The following XRCC4 variants were observed in gnomAD, a reference collection of about 807,000 sequenced individuals.
XRCC4 encodes the protein X-ray repair cross complementing 4.
XRCC4 carries 28 observed loss-of-function variants against 39.1 expected under a neutral mutation model. The ratio of observed to expected loss-of-function variants is 0.72; its 90% CI spans 0.53 to 0.98. The LOEUF (loss-of-function observed/expected upper bound fraction) is 0.98. Ranked by LOEUF, XRCC4 falls within the 50% of genes least tolerant of loss-of-function variation. The pLI is 0.00. For synonymous variants in XRCC4, 123 were observed against 126.4 expected, an observed-to-expected ratio of 0.97 and a Z score of 0.18; for missense variants, 350 against 376.4, an observed-to-expected ratio of 0.93 and a Z score of 0.58.
Position 83,218,062 on chromosome 5 carries a change from T to TTATATATATA in XRCC4, c.745+13149_745+13158dup, listed in dbSNP as rs560667796. Among the ~76,000 whole-genome samples, 786 of 147,600 alleles carry TTATATATATA rather than the reference T, an allele frequency of 5.3e-3. 7 individuals are homozygous for TTATATATATA. The highest frequency in any genetic ancestry group is 0.03 in the South Asian group (137 of 4,628). On this transcript the variant is annotated intron_variant, in intron 6 of 7. Coordinates refer to ENST00000396027, the MANE Select transcript of XRCC4 (RefSeq NM_003401.5). Reference sequence around the variant, plus strand: ...TTGAACTTCTCAGTCTTTACCTTTTTTATATATATATATATATTTATTAGA... The same window carrying TTATATATATA: ...TTGAACTTCTCAGTCTTTACCTTTTTTATATATATATATATATATATATATATTTATTAGA...
chr5:83,102,674 G>A (rs917637267), intron 1 of XRCC4, among the ~76,000 whole-genome samples: 3 of 152,074 alleles, frequency 2.0e-5, no homozygotes, highest in South Asian at 2.1e-4. Flanking sequence ...AAAAGTCTTA[G>A]TTTTGTTTTA....
chr5:83,289,417 A>G (rs1452456924), intron 7 of XRCC4, among the ~76,000 whole-genome samples: 1 of 151,874 alleles, frequency 6.6e-6, no homozygotes, highest in Non-Finnish European at 1.5e-5. Flanking sequence ...TTGGGTAAGA[A>G]TTGTGCTATA....
chr5:83,302,440 G>A (rs112377178), intron 7 of XRCC4, among the ~76,000 whole-genome samples: 8,313 of 152,194 alleles, frequency 0.055, 888 homozygotes, highest in East Asian at 0.48. Context: ...CTTGGCTAGC[G>A]GAGGGAGTTC....
intron 3 of XRCC4, among the ~76,000 whole-genome samples, chr5:83,150,275 T>C (rs1478537101): frequency 6.6e-6 from 1 of 152,170 alleles, no homozygotes; most frequent in African/African-American, 2.4e-5. Context: ...TACTCTGATA[T>C]CATTTTATTG....
At chr5:83,159,163 A>G (rs1749091460) in intron 3 of XRCC4, among the ~76,000 whole-genome samples, 1 of 152,224 alleles carries the variant, frequency 6.6e-6, no homozygotes, top group South Asian at 2.1e-4. Flanking sequence ...AACTTCACAA[A>G]AATATTAAAA....
At chr5:83,093,924 A>C (rs1745549156) in intron 1 of XRCC4, among the ~76,000 whole-genome samples, 1 of 152,022 alleles carries the variant, frequency 6.6e-6, no homozygotes. Flanking sequence ...AGCAGTTTGA[A>C]TATATCAGCC....
chr5:83,262,299 A>G (rs1008305369), intron 7 of XRCC4, among the ~76,000 whole-genome samples: 4 of 152,162 alleles, frequency 2.6e-5, no homozygotes, highest in African/African-American at 9.7e-5. Context: ...CTTTTGAGAG[A>G]CAAAGATATA....
At chr5:83,079,474 T>G (rs1363780341) in intron 1 of XRCC4, among the ~76,000 whole-genome samples, 2 of 152,178 alleles carry the variant, frequency 1.3e-5, no homozygotes, top group Non-Finnish European at 2.9e-5. Flanking sequence ...CCATCTTGGA[T>G]CCTTTCCTTA....
At chr5:83,141,523 C>T (rs1332458167) in intron 3 of XRCC4, among the ~76,000 whole-genome samples, 1 of 152,100 alleles carries the variant, frequency 6.6e-6, no homozygotes, top group Non-Finnish European at 1.5e-5. Context: ...AATTATATCT[C>T]AGTGTTGTTT....
chr5:83,373,510 CA>C, the XRCC4 span, among the ~76,000 whole-genome samples: 1 of 152,054 alleles, frequency 6.6e-6, no homozygotes, highest in East Asian at 1.9e-4. Context: ...TCGTGTTTTC[CA>C]AAAACTCTTC....
chr5:83,143,392 G>A (rs891939853), intron 3 of XRCC4, among the ~76,000 whole-genome samples: 1 of 152,084 alleles, frequency 6.6e-6, no homozygotes, highest in South Asian at 2.1e-4. Flanking sequence ...CACTATATGT[G>A]TATCAAAATA....
intron 6 of XRCC4, among the ~76,000 whole-genome samples, chr5:83,211,844 A>T (rs1751658259): frequency 6.6e-6 from 1 of 152,208 alleles, no homozygotes; most frequent in African/African-American, 2.4e-5. Context: ...GTAAGTTAAT[A>T]AACAAACAAA....
intron 7 of XRCC4, among the ~76,000 whole-genome samples, chr5:83,342,296 T>A (rs1202840974): frequency 1.3e-5 from 2 of 152,326 alleles, no homozygotes; most frequent in African/African-American, 4.8e-5. Flanking sequence ...TATGTTTACC[T>A]TAGTGGTTGA....
chr5:83,120,339 A>G (rs1305183711), intron 3 of XRCC4, among the ~76,000 whole-genome samples: 1 of 152,184 alleles, frequency 6.6e-6, no homozygotes, highest in East Asian at 1.9e-4. Context: ...ATAATTTACA[A>G]ACAATTAAAT....
intron 3 of XRCC4, among the ~76,000 whole-genome samples, chr5:83,155,939 T>C (rs1748938290): frequency 6.6e-6 from 1 of 152,120 alleles, no homozygotes; most frequent in Non-Finnish European, 1.5e-5. Context: ...TTTTACATGT[T>C]GATTTGTCAT....
intron 3 of XRCC4, among the ~76,000 whole-genome samples, chr5:83,134,440 G>A (rs547937939): frequency 6.6e-6 from 1 of 152,204 alleles, no homozygotes; most frequent in East Asian, 1.9e-4. Context: ...TAGCTAAAGG[G>A]TTGTAAATGC....
intron 2 of XRCC4, among the ~76,000 whole-genome samples, chr5:83,110,650 T>C (rs368773830): frequency 6.6e-6 from 1 of 152,068 alleles, no homozygotes; most frequent in African/African-American, 2.4e-5. Context: ...ATTGAATCTT[T>C]GATGCAAGGA....
chr5:83,262,542 G>T (rs186147917), intron 7 of XRCC4, among the ~76,000 whole-genome samples: 1 of 152,068 alleles, frequency 6.6e-6, no homozygotes, highest in African/African-American at 2.4e-5. Context: ...ACTCTGCAAA[G>T]CTTTTAGAGA....
chr5:83,109,437 G>A (rs1580230354), intron 2 of XRCC4, among the ~76,000 whole-genome samples: 1 of 151,788 alleles, frequency 6.6e-6, no homozygotes, highest in Non-Finnish European at 1.5e-5. Context: ...CTGTTTTTCA[G>A]TTTTATAAGG....
Sources: allele counts gnomAD v4.1 joint callset (sites outside exome capture counted in the v4.1 genomes callset), GRCh38; gene constraint gnomAD v4.1.1; transcripts MANE v1.5; gene names NCBI Gene and HGNC (gene_info 2026-07-23, HGNC 2026-07-21).